Variants in CES4A observed in about 807,000 individuals in gnomAD.
CES4A encodes the protein carboxylesterase 4A, also known as carboxylesterase 6.
Under a neutral mutation model 65.4 loss-of-function variants are expected in CES4A, and 48 were observed. The ratio of observed to expected loss-of-function variants is 0.73; its 90% CI spans 0.58 to 0.93. CES4A has a LOEUF of 0.93. Among genes scored for constraint, CES4A ranks in the 40% least tolerant of loss-of-function variants. The pLI is 0.00. For synonymous variants in CES4A, 247 were observed against 281.8 expected (o/e 0.88, Z 1.24); for missense variants, 685 against 728.5 (o/e 0.94, Z 0.69).
At chr16:67,008,762 T>C (rs1421137749) in intron 13 of CES4A, 1 of 535,512 alleles carries the variant, frequency 1.9e-6, no homozygotes, top group Non-Finnish European at 3.3e-6. Flanking sequence ...CTTGGTCTTT[T>C]ATATCTCTCA....
At position 67,001,408 on chromosome 16, in the gene CES4A, G is replaced by A; in HGVS notation, c.637G>A (p.Gly213Arg). ...CATCGCAGCCTTCGGGGGAGACCCA[G>A]GAAATGTGACCCTGTTCGGCCAGTC... Residue 213 changes from glycine (G) to arginine (R), a missense_variant, in exon 5 of 14, where the codon GGA (glycine) becomes AGA (arginine). Transcript: ENST00000648724. This position sits in a 1 kb window ranked among gnomAD's most constrained non-coding sequence, Gnocchi z 4.1. 1.2e-6 allele frequency: 2 copies of A among 1,613,728 alleles called. No individual in the cohort carries two copies. The highest frequency in any genetic ancestry group is 2.2e-5 in the South Asian group (2 of 91,066).
At chr16:66,995,469 G>A (rs955835016) in intron 1 of CES4A, among the ~76,000 whole-genome samples, 159 bp from the exon 2 acceptor site, 5 of 152,134 alleles carry the variant, frequency 3.3e-5, no homozygotes, top group Non-Finnish European at 5.9e-5. Flanking sequence ...TGACAGATGG[G>A]CCAGGGTCCC....
chr16:67,009,181 C>T (rs759917139), exon 14 of CES4A: 2 of 1,585,614 alleles, frequency 1.3e-6, no homozygotes, highest in Non-Finnish European at 8.6e-7. Flanking sequence ...GGGGTTTGCC[C>T]CCACCATCCA....
chr16:66,989,520 C>A (rs1231779093), intron 1 of CES4A, among the ~76,000 whole-genome samples: 1 of 151,758 alleles, frequency 6.6e-6, no homozygotes, highest in East Asian at 1.9e-4. Context: ...ATAGTGAGAC[C>A]TAGCCTGGGT....
Position 67,003,196 on chromosome 16 carries a change from G to A in CES4A, c.795+22G>A, listed in dbSNP as rs1456037231. ...CAAGGTGAGTGCCTCTCCTTCCCCAGGGCTCAGCATGGAAGGGCAGGATGG... is the reference window on the plus strand; with the variant it reads ...CAAGGTGAGTGCCTCTCCTTCCCCAAGGCTCAGCATGGAAGGGCAGGATGG... On this transcript the variant is annotated intron_variant, in intron 6 of 13. Coordinates refer to ENST00000648724, the Ensembl canonical transcript of CES4A. The surrounding 1 kb of genome is among the most constrained non-coding windows in gnomAD (Gnocchi z 4.2). The A allele has an allele frequency of 1.2e-6, 2 of 1,611,674 alleles. No homozygotes were observed. Among genetic ancestry groups the A allele is most frequent in the Non-Finnish European group, 1.7e-6 (2 of 1,177,898 alleles).
intron 5 of CES4A, among the ~76,000 whole-genome samples, chr16:67,002,106 G>T (rs1042868295): frequency 4.6e-5 from 7 of 152,140 alleles, no homozygotes; most frequent in Non-Finnish European, 8.8e-5. Flanking sequence ...TACAGATAAA[G>T]AAACGAAGGC....
In CES4A at chr16:67,000,868, G is replaced by C. The variant is rs1597080094; in HGVS notation, c.414G>C (p.Trp138Cys). The change falls in exon 4 of 14, where the codon TGG (tryptophan) becomes TGC (cysteine). Residue 138 changes from tryptophan to cysteine, a missense_variant. Physicochemically the swap from Trp to Cys is radical, Grantham distance 215. Coordinates refer to ENST00000648724, the Ensembl canonical transcript of CES4A. The surrounding 1 kb of genome is among the most constrained non-coding windows in gnomAD (Gnocchi z 4.2). ...CCTTCTTCGTCCAGGTGATGGTCTG[G>C]TTCCCGGGAGGCGCCTTCATCGTGG... is the stretch of plus-strand genomic sequence containing the variant. The C allele has an allele frequency of 6.3e-7, 1 of 1,599,616 alleles. No individual in the cohort carries two copies. The highest frequency in any genetic ancestry group is 8.5e-7 in the Non-Finnish European group (1 of 1,173,230).
intron 2 of CES4A, among the ~76,000 whole-genome samples, chr16:66,999,542 C>G (rs559514942): frequency 2.6e-4 from 40 of 152,304 alleles, no homozygotes; most frequent in African/African-American, 9.1e-4. Flanking sequence ...TGGCTCATGC[C>G]TATAATCCCA....
At chr16:66,996,049 G>C (rs1964820886) in intron 2 of CES4A, 1 of 672,754 alleles carries the variant, frequency 1.5e-6, no homozygotes, top group Non-Finnish European at 2.7e-6. Context: ...TTTTGTTTTT[G>C]TTTTTTTTAG....
At chr16:66,997,255 G>A (rs1311822904) in intron 2 of CES4A, among the ~76,000 whole-genome samples, 4 of 152,188 alleles carry the variant, frequency 2.6e-5, no homozygotes, top group Admixed American at 2.6e-4. Flanking sequence ...GAACCCTGGA[G>A]ATCAGGGATT....
At chr16:66,998,661 G>A (rs1476785316) in intron 2 of CES4A, among the ~76,000 whole-genome samples, 1 of 152,176 alleles carries the variant, frequency 6.6e-6, no homozygotes, top group African/African-American at 2.4e-5. Context: ...GAGGTCAGGA[G>A]TTCGAGACCA....
At chr16:67,006,983 C>T (rs1965815766) in intron 13 of CES4A, 166 bp downstream of exon 13, 1 of 604,436 alleles carries the variant, frequency 1.7e-6, no homozygotes, top group East Asian at 2.8e-5. Flanking sequence ...TCACCGGATC[C>T]TAAACGTCTC....
chr16:67,006,672 A>C, intron 12 of CES4A, 73 bp from the exon 13 acceptor site: 1 of 1,550,418 alleles, frequency 6.4e-7, no homozygotes, highest in Non-Finnish European at 8.9e-7. Context: ...GAAGCAGCAG[A>C]AGCAGCAGGA....
downstream of CES4A, among the ~76,000 whole-genome samples, chr16:67,010,192 A>G (rs972040165): frequency 6.6e-6 from 1 of 150,908 alleles, no homozygotes; most frequent in African/African-American, 2.4e-5. Context: ...CAGCCTCCCA[A>G]GTAGCTGAGA....
In CES4A at chr16:67,000,960, A is replaced by G. The variant is rs756680406; in HGVS notation, c.506A>G (p.Gln169Arg). ...GAGAAAGTGGTGCTGGTGTTTCTGC[A>G]GCACAGGCTCGGCATCTTCGGCTTC... The change falls in exon 4 of 14, where the codon CAG becomes CGG. Residue 169 changes from glutamine (Q) to arginine (R), a missense_variant. By Grantham distance (43) the Gln-to-Arg change is conservative. Transcript: ENST00000648724. The surrounding 1 kb of genome is among the most constrained non-coding windows in gnomAD (Gnocchi z 4.2). 66 of 1,612,986 alleles carry G rather than the reference A, an allele frequency of 4.1e-5. No individual in the cohort carries two copies. Among genetic ancestry groups the G allele is most frequent in the Non-Finnish European group, 4.2e-6 (5 of 1,179,584 alleles).
rs538798859 is a variant in CES4A, at chr16:66,998,294, G to A, written c.261-2344G>A. Among the ~76,000 whole-genome samples, 5 of 152,208 alleles carry A rather than the reference G, an allele frequency of 3.3e-5. No individual in the cohort carries two copies. The East Asian group carries it at 7.8e-4, about 24-fold the overall frequency. On this transcript the variant is annotated intron_variant, in intron 2 of 13. Coordinates refer to ENST00000648724, the Ensembl canonical transcript of CES4A. Reference sequence around the variant, plus strand: ...GAAGCCCAGAGAAGGAAAGCTGTTCGAGAAAGATAATCTGGCCGGGCGAGG... The same window carrying A: ...GAAGCCCAGAGAAGGAAAGCTGTTCAAGAAAGATAATCTGGCCGGGCGAGG...
Position 67,007,127 on chromosome 16 carries a change from C to T in CES4A, c.1517+310C>T, listed in dbSNP as rs1965829892. 1.4e-5 allele frequency: 5 copies of T among 352,310 alleles called. No homozygotes were observed. The South Asian group carries it at 2.6e-4, about 18-fold the overall frequency. 21.8% of individuals were successfully genotyped at this position (352,310 alleles called of 1,614,324 possible). A position where few individuals can be genotyped will look rare whatever the true frequency, so the allele number is the denominator to read the frequency against. ...AATTCAAGGATGTTGCAGACATGAG[C>T]CCCATCCTCCAGCAGCTCACCACAT... On this transcript the variant is annotated intron_variant, in intron 13 of 13. Transcript: ENST00000648724.
Position 67,006,043 on chromosome 16 carries a change from G to T in CES4A, c.1316-348G>T. On this transcript the variant is annotated intron_variant, in intron 11 of 13. Transcript: ENST00000648724. ...ATGTGGGTAACAGGTTAAAGGGGGG[G>T]GGGCTGGAAAATGCAGACACCAAAG... 4 of 245,822 alleles carry T rather than the reference G, an allele frequency of 1.6e-5. No homozygotes were observed. In the South Asian group the frequency reaches 2.3e-4, roughly 14 times the overall value. The allele number at this position is 245,822 out of a possible 1,614,324, so 15.2% of individuals were successfully genotyped here.
At position 66,995,678 on chromosome 16, in the gene CES4A, C is replaced by G. The variant is rs905135906; in HGVS notation, c.109C>G (p.Gln37Glu). 3.7e-6 allele frequency: 6 copies of G among 1,614,062 alleles called. No individual in the cohort carries two copies. In the Admixed American group the frequency reaches 6.7e-5, roughly 18 times the overall value. The change falls in exon 2 of 14, where the codon CAA becomes GAA. Residue 37 changes from glutamine (Q) to glutamate (E), a missense_variant. Coordinates refer to ENST00000648724, the Ensembl canonical transcript of CES4A. ...AGTGGTCACCAAATATGGAACCCTG[C>G]AAGGAAAACAGATGCATGTGGGGAA...
Sources: allele counts gnomAD v4.1 joint callset (sites outside exome capture counted in the v4.1 genomes callset), GRCh38; gene constraint gnomAD v4.1.1; non-coding constraint Gnocchi (gnomAD v3.1); transcripts MANE v1.5; gene names NCBI Gene and HGNC (gene_info 2026-07-23, HGNC 2026-07-21).